Variants in PACS1 observed in about 807,000 individuals in gnomAD.
PACS1 encodes PACS-1.
In PACS1, 24 loss-of-function variants were observed where a neutral mutation model predicts 115.0. That is an observed-to-expected ratio of 0.21 (90% confidence interval 0.15 to 0.29). The LOEUF is 0.29. PACS1 is among the 10% of genes least tolerant of loss of function. PACS1 has a pLI of 1.00. For missense variants in PACS1, 838 were observed against 1,251.2 expected, an observed-to-expected ratio of 0.67 and a Z score of 4.98; for synonymous variants, 453 against 504.5, an observed-to-expected ratio of 0.90 and a Z score of 1.37.
At chr11:66,142,255 A>G (rs929286050) in intron 1 of PACS1, among the ~76,000 whole-genome samples, 4 of 152,112 alleles carry the variant, frequency 2.6e-5, no homozygotes, top group African/African-American at 7.2e-5. Flanking sequence ...TGGGCTGCAT[A>G]TATTTTTTCC....
chr11:66,220,946 C>G (rs557929699), intron 9 of PACS1, among the ~76,000 whole-genome samples, 155 bp downstream of exon 9: 37 of 152,246 alleles, frequency 2.4e-4, no homozygotes, highest in Admixed American at 7.8e-4. Flanking sequence ...ACTGTTTTGC[C>G]TCTCACTGAC....
At chr11:66,118,269 CACT>C (rs1858352139) in intron 1 of PACS1, among the ~76,000 whole-genome samples, 1 of 152,184 alleles carries the variant, frequency 6.6e-6, no homozygotes, top group South Asian at 2.1e-4. Context: ...GCCATTGAGC[CACT>C]ATCAAGACCT....
At chr11:66,238,887 GC>G in intron 20 of PACS1, 41 bp downstream of exon 20, 1 of 1,537,532 alleles carries the variant, frequency 6.5e-7, no homozygotes, top group Non-Finnish European at 8.8e-7. Flanking sequence ...TGAGGCTGGT[GC>G]CCTCCCTGTC....
chr11:66,113,962 A>G (rs1484387060), intron 1 of PACS1, among the ~76,000 whole-genome samples: 1 of 152,180 alleles, frequency 6.6e-6, no homozygotes, highest in Non-Finnish European at 1.5e-5. Context: ...GCTCTTTTGC[A>G]TCTCTCCACC....
At chr11:66,232,386 C>T in intron 14 of PACS1, 110 bp downstream of exon 14, 7 of 647,662 alleles carry the variant, frequency 1.1e-5, no homozygotes, top group Non-Finnish European at 1.7e-5. Flanking sequence ...GGAACTCACC[C>T]CTCCATCAGC....
chr11:66,213,109 C>CTGTGCTTTGG (rs2134704008), intron 4 of PACS1, among the ~76,000 whole-genome samples: 1 of 152,344 alleles, frequency 6.6e-6, no homozygotes, highest in East Asian at 1.9e-4. Flanking sequence ...GCTTTGGCCT[C>CTGTGCTTTGG]CCAGAGTGCT....
In PACS1 at chr11:66,210,466, A is replaced by G; in HGVS notation, c.534+15A>G. ...TCTCCCTTCAGGTGAGACTCTCCTA[A>G]TCTTAGGCCCCTAACATGCTATATC... On this transcript the variant is annotated intron_variant, in intron 3 of 23. Coordinates refer to ENST00000320580, the MANE Select transcript of PACS1 (RefSeq NM_018026.4). The G allele has an allele frequency of 6.4e-7, 1 of 1,558,920 alleles. No individual in the cohort carries two copies.
At chr11:66,138,373 C>T (rs567708862) in intron 1 of PACS1, among the ~76,000 whole-genome samples, 2 of 152,180 alleles carry the variant, frequency 1.3e-5, no homozygotes, top group African/African-American at 2.4e-5. Flanking sequence ...CTATGGTGCC[C>T]AGACGGCTTT....
rs1857295718 is a variant in PACS1, at chr11:66,070,837, G to A, written c.351G>A (p.Val117=). 2.0e-6 allele frequency: 3 copies of A among 1,485,706 alleles called. No individual in the cohort carries two copies. In the South Asian group the frequency reaches 3.8e-5, roughly 19 times the overall value. The allele number at this position is 1,485,706 out of a possible 1,614,324, so 92.0% of individuals were successfully genotyped here. A position where few individuals can be genotyped will look rare whatever the true frequency, so the allele number is the denominator to read the frequency against. Residue 117 remains valine (V), a synonymous_variant, in exon 1 of 24, where the codon GTG becomes GTA. Transcript: ENST00000320580. The surrounding 1 kb of genome is among the most constrained non-coding windows in gnomAD (Gnocchi z 5.9). ...WEVDRSSSSC[V]PRLFSLTLKK... Reference sequence around the variant, plus strand: ...TGGACCGGAGCTCGTCCAGCTGCGTGCCTAGGTGAGCGCGGGAGGGTGCGG... The same window carrying A: ...TGGACCGGAGCTCGTCCAGCTGCGTACCTAGGTGAGCGCGGGAGGGTGCGG...
intron 1 of PACS1, among the ~76,000 whole-genome samples, chr11:66,131,455 T>C (rs1242899827): frequency 6.6e-6 from 1 of 152,236 alleles, no homozygotes; most frequent in Non-Finnish European, 1.5e-5. Flanking sequence ...TTCTTATATA[T>C]TGTAGCTATT....
chr11:66,122,091 A>G (rs1858457369), intron 1 of PACS1, among the ~76,000 whole-genome samples: 1 of 152,200 alleles, frequency 6.6e-6, no homozygotes, highest in African/African-American at 2.4e-5. Flanking sequence ...TTAGGGGTGA[A>G]TGCAGCTGGT....
intron 1 of PACS1, among the ~76,000 whole-genome samples, chr11:66,119,266 A>G (rs1214626387): frequency 1.3e-5 from 2 of 152,218 alleles, no homozygotes; most frequent in African/African-American, 4.8e-5. Flanking sequence ...GAGTAGTAAT[A>G]TTTTGTGACA....
intron 7 of PACS1, among the ~76,000 whole-genome samples, chr11:66,218,965 T>G (rs185890214): frequency 5.9e-4 from 89 of 151,698 alleles, no homozygotes; most frequent in South Asian, 5.4e-3. Flanking sequence ...AATAGAGAGA[T>G]AAGGCTAGAA....
chr11:66,160,760 G>A (rs1001396715), intron 1 of PACS1, among the ~76,000 whole-genome samples: 9 of 150,088 alleles, frequency 6.0e-5, no homozygotes, highest in East Asian at 2.0e-4. Context: ...AGGCTCAAGC[G>A]ATCCTCCTGC....
chr11:66,078,348 C>G (rs534742224), intron 1 of PACS1, among the ~76,000 whole-genome samples: 23 of 152,186 alleles, frequency 1.5e-4, no homozygotes, highest in Non-Finnish European at 2.6e-4. Context: ...TTGCTCCCTA[C>G]TGTAACACCT....
At chr11:66,096,804 T>C (rs1857794957) in intron 1 of PACS1, among the ~76,000 whole-genome samples, 1 of 151,162 alleles carries the variant, frequency 6.6e-6, no homozygotes, top group Non-Finnish European at 1.5e-5. Flanking sequence ...GCCCAGCCGC[T>C]GTGAACATTC....
At chr11:66,153,127 GT>G (rs556714749) in intron 1 of PACS1, among the ~76,000 whole-genome samples, 1 of 150,928 alleles carries the variant, frequency 6.6e-6, no homozygotes, top group Non-Finnish European at 1.5e-5. Flanking sequence ...ATACATATGT[GT>G]TTTTTTTTGA....
At chr11:66,179,148 T>C (rs2134651517) in intron 1 of PACS1, among the ~76,000 whole-genome samples, 1 of 152,362 alleles carries the variant, frequency 6.6e-6, no homozygotes, top group Admixed American at 6.5e-5. Context: ...ACTGTCTCCC[T>C]GTGGTTTGAT....
chr11:66,207,163 C>T (rs1324515804), intron 2 of PACS1, among the ~76,000 whole-genome samples: 5 of 152,082 alleles, frequency 3.3e-5, no homozygotes, highest in Admixed American at 3.3e-4. Flanking sequence ...TAAACAAAAC[C>T]TCGATACCAT....
Sources: allele counts gnomAD v4.1 joint callset (sites outside exome capture counted in the v4.1 genomes callset), GRCh38; gene constraint gnomAD v4.1.1; non-coding constraint Gnocchi (gnomAD v3.1); transcripts MANE v1.5; gene names NCBI Gene and HGNC (gene_info 2026-07-23, HGNC 2026-07-21).